Variants in PPP3CA observed in about 807,000 individuals in gnomAD.
PPP3CA encodes the protein protein phosphatase 3 catalytic subunit alpha.
A neutral mutation model predicts 66.5 loss-of-function variants in PPP3CA; 14 were observed. The observed-to-expected ratio is 0.21, with a 90% CI of 0.14 to 0.33. The LOEUF (loss-of-function observed/expected upper bound fraction) is 0.33. PPP3CA is among the 10% of genes least tolerant of loss of function. The pLI is 1.00. For synonymous variants in PPP3CA, 232 were observed against 226.2 expected (o/e 1.03, Z -0.23); for missense variants, 317 against 639.5 (o/e 0.50, Z 5.44).
chr4:101,159,374 C>G (rs971719845), intron 2 of PPP3CA, among the ~76,000 whole-genome samples: 1 of 152,142 alleles, frequency 6.6e-6, no homozygotes, highest in Non-Finnish European at 1.5e-5. Context: ...GACCCACCTC[C>G]CCAGCCCCTC....
At chr4:101,207,882 A>C (rs1205226057) in intron 1 of PPP3CA, among the ~76,000 whole-genome samples, 1 of 152,168 alleles carries the variant, frequency 6.6e-6, no homozygotes, top group Admixed American at 6.5e-5. Flanking sequence ...ACTCAGCCTA[A>C]GCACATATAT....
At chr4:101,101,819 C>A (rs1177840989) in intron 3 of PPP3CA, among the ~76,000 whole-genome samples, 1 of 152,108 alleles carries the variant, frequency 6.6e-6, no homozygotes, top group Non-Finnish European at 1.5e-5. Flanking sequence ...CATTATAATT[C>A]TGACTTCTTT....
chr4:101,226,824 GTCT>G (rs1560668621), intron 1 of PPP3CA, among the ~76,000 whole-genome samples: 1 of 151,578 alleles, frequency 6.6e-6, no homozygotes, highest in African/African-American at 2.4e-5. Flanking sequence ...CATTCATGGT[GTCT>G]TCTAATATAA....
chr4:101,166,776 G>A (rs1723707238), intron 2 of PPP3CA, among the ~76,000 whole-genome samples: 1 of 152,140 alleles, frequency 6.6e-6, no homozygotes, highest in Non-Finnish European at 1.5e-5. Flanking sequence ...ACAATATGAA[G>A]ACCCATTTGT....
At chr4:101,081,840 T>C (rs907132599) in intron 7 of PPP3CA, among the ~76,000 whole-genome samples, 2 of 152,228 alleles carry the variant, frequency 1.3e-5, no homozygotes, top group Admixed American at 6.5e-5. Context: ...TGAGCTTCGT[T>C]ATGGAAACAA....
intron 6 of PPP3CA, among the ~76,000 whole-genome samples, chr4:101,089,184 T>C (rs1023922491): frequency 6.6e-6 from 1 of 151,742 alleles, no homozygotes; most frequent in Non-Finnish European, 1.5e-5. Context: ...ACAGTGAATC[T>C]AGGGAAGTGG....
chr4:101,147,017 A>G (rs946977977), intron 2 of PPP3CA, among the ~76,000 whole-genome samples: 1 of 152,166 alleles, frequency 6.6e-6, no homozygotes, highest in African/African-American at 2.4e-5. Flanking sequence ...TTCCTCTGAG[A>G]TAGGTACTGT....
chr4:101,148,397 A>T lies in PPP3CA; in HGVS notation c.260-39319T>A, dbSNP rs569134029. On this transcript the variant is annotated intron_variant, in intron 2 of 13. Coordinates refer to ENST00000394854, the MANE Select transcript of PPP3CA (RefSeq NM_000944.5). ...TTAAAACACTTAACTCAGTTGCCGT[A>T]GTTAGGCTGTTTATTTATTTAATGT... Among the ~76,000 whole-genome samples, 8 of 152,258 alleles carry T rather than the reference A, an allele frequency of 5.3e-5. No individual in the cohort carries two copies. In the East Asian group the frequency reaches 1.5e-3, roughly 29 times the overall value.
At chr4:101,308,518 T>C (rs1374249180) in intron 1 of PPP3CA, among the ~76,000 whole-genome samples, 1 of 152,144 alleles carries the variant, frequency 6.6e-6, no homozygotes, top group Non-Finnish European at 1.5e-5. Flanking sequence ...TGATCATAGC[T>C]CTCTGCAGCC....
chr4:101,096,314 C>T (rs1471837914), intron 5 of PPP3CA, among the ~76,000 whole-genome samples: 2 of 152,096 alleles, frequency 1.3e-5, no homozygotes, highest in African/African-American at 2.4e-5. Flanking sequence ...TATGCAAATA[C>T]ATTCATAATT....
chr4:101,084,645 A>G (rs534238259), intron 6 of PPP3CA, among the ~76,000 whole-genome samples: 1 of 148,266 alleles, frequency 6.7e-6, no homozygotes, highest in East Asian at 1.9e-4. Context: ...CTCCATCTCA[A>G]AAAAAAAAAA....
chr4:101,026,198 G>A, intron 13 of PPP3CA, 137 bp from the exon 14 acceptor site: 2 of 676,582 alleles, frequency 3.0e-6, no homozygotes, highest in South Asian at 2.1e-5. Context: ...GACGGGACCT[G>A]CACACCACAC....
intron 2 of PPP3CA, among the ~76,000 whole-genome samples, chr4:101,178,625 T>C (rs970166279): frequency 6.6e-6 from 1 of 152,080 alleles, no homozygotes; most frequent in Non-Finnish European, 1.5e-5. Context: ...CCATTCTAAA[T>C]TGCATAATTA....
rs989868478 is a variant in PPP3CA, at chr4:101,313,636, G to C, written c.58+33103C>G. Reference sequence around the variant, plus strand: ...GATCAGTACTCCATGTTGGTTGGTAGTATTTTAAATCTGAAGCATTTTCAG... The same window carrying C: ...GATCAGTACTCCATGTTGGTTGGTACTATTTTAAATCTGAAGCATTTTCAG... On this transcript the variant is annotated intron_variant, in intron 1 of 13. Coordinates refer to ENST00000394854, the MANE Select transcript of PPP3CA (RefSeq NM_000944.5). Among the ~76,000 whole-genome samples the C allele has an allele frequency of 3.9e-5, 6 of 152,210 alleles. No individual in the cohort carries two copies. The South Asian group carries it at 1.2e-3, about 32-fold the overall frequency.
intron 3 of PPP3CA, among the ~76,000 whole-genome samples, chr4:101,106,390 A>G (rs576748212): frequency 5.4e-4 from 3 of 5,572 alleles, no homozygotes; most frequent in East Asian, 7.9e-3. Context: ...AGAAAGAAAG[A>G]AAGAAAGAAA....
At chr4:101,336,697 T>C (rs988174529) in intron 1 of PPP3CA, among the ~76,000 whole-genome samples, 2 of 152,142 alleles carry the variant, frequency 1.3e-5, no homozygotes, top group Non-Finnish European at 2.9e-5. Context: ...GTAATATATA[T>C]TCAAAGCATC....
At chr4:101,181,969 A>G (rs1292204132) in intron 2 of PPP3CA, among the ~76,000 whole-genome samples, 2 of 152,158 alleles carry the variant, frequency 1.3e-5, no homozygotes, top group Admixed American at 1.3e-4. Flanking sequence ...GAACAATTTC[A>G]TATGTGATTA....
chr4:101,158,245 TG>T (rs1276794255), intron 2 of PPP3CA: 2 of 152,230 alleles, frequency 1.3e-5, no homozygotes, highest in African/African-American at 2.4e-5. Flanking sequence ...GGCCTGCTCC[TG>T]GTGCATCACC....
intron 10 of PPP3CA, among the ~76,000 whole-genome samples, chr4:101,049,338 G>A (rs1478685425): frequency 6.6e-6 from 1 of 152,010 alleles, no homozygotes; most frequent in East Asian, 1.9e-4. Flanking sequence ...ATGCCTTACA[G>A]AGGATATTGC....
Sources: gnomAD v4.1 joint callset for allele counts (sites outside exome capture counted in the v4.1 genomes callset) on GRCh38, gnomAD v4.1.1 for gene constraint, MANE v1.5 for transcripts, NCBI Gene and HGNC (gene_info 2026-07-23, HGNC 2026-07-21) for gene names.